Variants in CCSER2 observed in about 807,000 individuals in gnomAD.
CCSER2 encodes the protein serine-rich coiled-coil domain-containing protein 2.
CCSER2 carries 46 observed loss-of-function variants against 92.3 expected under a neutral mutation model. That is an observed-to-expected ratio of 0.50 (90% CI 0.39 to 0.64). The LOEUF is 0.64. Among genes scored for constraint, CCSER2 ranks in the 30% least tolerant of loss-of-function variants. The pLI, the probability that CCSER2 is intolerant of heterozygous loss-of-function variation, is 0.00. For synonymous variants in CCSER2, 433 were observed against 431.4 expected, an observed-to-expected ratio of 1.00 and a Z score of -0.04; for missense variants, 1,244 against 1,238.9, an observed-to-expected ratio of 1.00 and a Z score of -0.06.
At chr10:84,499,834 C>T (rs1257479959) in intron 9 of CCSER2, 6 of 1,606,624 alleles carry the variant, frequency 3.7e-6, no homozygotes, top group South Asian at 2.2e-5. Context: ...TTTTGGTTCC[C>T]TTTTTTATTA....
chr10:84,350,198 C>T (rs1844783994), intron 1 of CCSER2, among the ~76,000 whole-genome samples: 1 of 152,056 alleles, frequency 6.6e-6, no homozygotes, highest in Admixed American at 6.6e-5. Context: ...GCATCACGCT[C>T]GTTTATACAT....
rs1446107276 is a variant in CCSER2 at position 84,371,272 on chromosome 10, C to T, written c.220C>T (p.Leu74Phe). ...TTGGAGGAAAGCAAATAAATATCAG[C>T]TTTGTGCACAAGGTGTCGAAGAGCC... is the stretch of plus-strand genomic sequence containing the variant. ...FNWRKANKYQ[L>F]CAQGVEEPNN... The change falls in exon 2 of 10, where the codon CTT becomes TTT. Residue 74 changes from leucine (L) to phenylalanine (F), a missense_variant. Leu to Phe is a conservative substitution (Grantham distance 22, BLOSUM62 0). Transcript: ENST00000372088. 6.2e-7 allele frequency: 1 copy of T among 1,613,270 alleles called. No individual in the cohort carries two copies. Among genetic ancestry groups the T allele is most frequent in the Non-Finnish European group, 8.5e-7 (1 of 1,179,576 alleles).
chr10:84,423,755 T>G (rs1367384401), intron 4 of CCSER2, among the ~76,000 whole-genome samples: 1 of 152,148 alleles, frequency 6.6e-6, no homozygotes, highest in Non-Finnish European at 1.5e-5. Context: ...TTTAATACCA[T>G]GTAGAAATAC....
intron 6 of CCSER2, among the ~76,000 whole-genome samples, chr10:84,444,382 A>G (rs1401274439): frequency 3.3e-5 from 5 of 152,210 alleles, no homozygotes; most frequent in African/African-American, 1.2e-4. Flanking sequence ...AGGCTGTTGC[A>G]TCCATTCAAA....
At chr10:84,509,156 T>C (rs1849221459) in intron 9 of CCSER2, among the ~76,000 whole-genome samples, 2 of 152,194 alleles carry the variant, frequency 1.3e-5, no homozygotes, top group African/African-American at 4.8e-5. Context: ...GGAACAATTG[T>C]TTTTTCCTAT....
chr10:84,486,793 G>C (rs1389993156), intron 9 of CCSER2, among the ~76,000 whole-genome samples: 1 of 152,152 alleles, frequency 6.6e-6, no homozygotes, highest in Non-Finnish European at 1.5e-5. Context: ...ATTGCTTTTG[G>C]TGTTTTAGAC....
chr10:84,335,794 C>G (rs865990047), intron 1 of CCSER2, among the ~76,000 whole-genome samples: 9 of 152,168 alleles, frequency 5.9e-5, no homozygotes, highest in African/African-American at 2.2e-4. Context: ...TGACCATTAT[C>G]TCTTGGCAGC....
chr10:84,489,138 T>C (rs889931537), intron 9 of CCSER2, among the ~76,000 whole-genome samples: 1 of 152,220 alleles, frequency 6.6e-6, no homozygotes, highest in African/African-American at 2.4e-5. Flanking sequence ...TTACATTTGC[T>C]GAGGAGTGCT....
intron 9 of CCSER2, among the ~76,000 whole-genome samples, chr10:84,485,338 C>T (rs183216023): frequency 6.6e-5 from 10 of 152,306 alleles, no homozygotes; most frequent in Admixed American, 6.5e-4. Flanking sequence ...ACAGCATTTT[C>T]CCATGTGTGG....
At chr10:84,330,309 C>T (rs1462436322) in intron 1 of CCSER2, among the ~76,000 whole-genome samples, 1 of 152,202 alleles carries the variant, frequency 6.6e-6, no homozygotes, top group Non-Finnish European at 1.5e-5. Context: ...TGACATCTTC[C>T]TCTGTGGTTT....
intron 1 of CCSER2, among the ~76,000 whole-genome samples, chr10:84,352,518 C>T (rs989542472): frequency 5.3e-5 from 8 of 151,574 alleles, no homozygotes; most frequent in Non-Finnish European, 7.4e-5. Context: ...GCAGTCTTCT[C>T]GGTGAGTGGG....
In CCSER2 at chr10:84,493,988, G is replaced by A. The variant is rs144664445; in HGVS notation, c.2325+16324G>A. On this transcript the variant is annotated intron_variant, in intron 9 of 9. Coordinates refer to ENST00000372088, the MANE Select transcript of CCSER2 (RefSeq NM_001284240.2). ...AAGGAGCAAGCAACCTAGATTTCTCGCATGTGCAGTTCACAATAAAGTTCC... is the reference window on the plus strand; with the variant it reads ...AAGGAGCAAGCAACCTAGATTTCTCACATGTGCAGTTCACAATAAAGTTCC... Among the ~76,000 whole-genome samples, 183 of 152,246 alleles carry A rather than the reference G, an allele frequency of 1.2e-3. 1 individual carries two copies. Among genetic ancestry groups the A allele is most frequent in the African/African-American group, 4.1e-3 (172 of 41,558 alleles).
At chr10:84,506,657 G>A (rs1357578328) in intron 9 of CCSER2, among the ~76,000 whole-genome samples, 3 of 152,072 alleles carry the variant, frequency 2.0e-5, no homozygotes, top group Non-Finnish European at 2.9e-5. Flanking sequence ...AGCCGGGCAT[G>A]GTGGCAGGCG....
intron 9 of CCSER2, among the ~76,000 whole-genome samples, chr10:84,488,609 G>A (rs559246571): frequency 9.2e-5 from 14 of 152,112 alleles, no homozygotes; most frequent in Admixed American, 2.6e-4. Context: ...TTTTAATTGC[G>A]TCTATTTGAT....
At chr10:84,420,289 A>G (rs1035362073) in intron 4 of CCSER2, among the ~76,000 whole-genome samples, 2 of 152,254 alleles carry the variant, frequency 1.3e-5, no homozygotes, top group African/African-American at 4.8e-5. Flanking sequence ...AACATCCCAC[A>G]TAAACAGTAC....
At chr10:84,427,772 C>G (rs1322544508) in intron 5 of CCSER2, among the ~76,000 whole-genome samples, 1 of 152,156 alleles carries the variant, frequency 6.6e-6, no homozygotes, top group Non-Finnish European at 1.5e-5. Context: ...CTAGCAAACT[C>G]ACATTCTTCA....
chr10:84,453,294 T>G (rs995479224), intron 6 of CCSER2, among the ~76,000 whole-genome samples: 1 of 152,252 alleles, frequency 6.6e-6, no homozygotes, highest in Non-Finnish European at 1.5e-5. Flanking sequence ...AATGTTTTCT[T>G]TGTGGGCTAG....
intron 9 of CCSER2, among the ~76,000 whole-genome samples, chr10:84,489,378 T>G (rs1848007734): frequency 6.6e-6 from 1 of 152,196 alleles, no homozygotes; most frequent in South Asian, 2.1e-4. Context: ...AGTCAGAGTC[T>G]CTTTCTAGGT....
At chr10:84,338,301 A>C (rs1032953046) in intron 1 of CCSER2, among the ~76,000 whole-genome samples, 5 of 39,686 alleles carry the variant, frequency 1.3e-4, no homozygotes, top group African/African-American at 2.3e-4. Flanking sequence ...TAAAAAAAAA[A>C]AAAACAAAAA....
Sources: allele counts gnomAD v4.1 joint callset (sites outside exome capture counted in the v4.1 genomes callset), GRCh38; gene constraint gnomAD v4.1.1; transcripts MANE v1.5; gene names NCBI Gene and HGNC (gene_info 2026-07-23, HGNC 2026-07-21).